The following METTL4 variants were observed in gnomAD, a reference collection of about 807,000 sequenced individuals.
METTL4 encodes N(6)-adenine-specific methyltransferase METTL4.
Under a neutral mutation model 54.0 loss-of-function variants are expected in METTL4, and 40 were observed. That is an observed-to-expected ratio of 0.74 (90% confidence interval 0.58 to 0.96). The LOEUF is 0.96. Ranked by LOEUF, METTL4 falls within the 50% of genes least tolerant of loss-of-function variation. The pLI is 0.00. For missense variants in METTL4, 525 were observed against 549.0 expected (o/e 0.96, Z 0.44); for synonymous variants, 169 against 183.8 (o/e 0.92, Z 0.65).
intron 1 of METTL4, among the ~76,000 whole-genome samples, chr18:2,570,239 G>A (rs777099536): frequency 2.6e-5 from 4 of 152,150 alleles, no homozygotes; most frequent in Non-Finnish European, 4.4e-5. Flanking sequence ...CTTTGGTTTT[G>A]GTGCTGCTGC....
At chr18:2,540,502 C>T in intron 8 of METTL4, 1 of 985,268 alleles carries the variant, frequency 1.0e-6, no homozygotes, top group Non-Finnish European at 1.2e-6. Context: ...ACTTGTTCAT[C>T]TGTCAGAAAG....
intron 2 of METTL4, 79 bp downstream of exon 2, chr18:2,566,742 C>T: frequency 1.7e-6 from 2 of 1,150,966 alleles, no homozygotes; most frequent in Non-Finnish European, 2.4e-6. Context: ...TAACGAATCA[C>T]CAGATATTTA....
At chr18:2,546,845 A>G (rs2072076692) in intron 6 of METTL4, among the ~76,000 whole-genome samples, 1 of 152,142 alleles carries the variant, frequency 6.6e-6, no homozygotes, top group African/African-American at 2.4e-5. Flanking sequence ...AAAGGCACTG[A>G]GGACCTAAGT....
intron 5 of METTL4, among the ~76,000 whole-genome samples, chr18:2,549,497 A>G (rs1309008164): frequency 2.0e-5 from 3 of 152,126 alleles, no homozygotes; most frequent in South Asian, 4.2e-4. Context: ...TCTACAACTA[A>G]GCTAAGGACT....
In METTL4 at chr18:2,554,945, C is replaced by T. The variant is rs1323643763; in HGVS notation, c.553G>A (p.Gly185Ser). 1 of 1,614,040 alleles carries T rather than the reference C, an allele frequency of 6.2e-7. No homozygotes were observed. ...LYPLFEKQDK[G>S]SKPITLPLDA... ...AGTGGTAAAGTAATGGGCTTACTAC[C>T]CTTGTCCTGTTTTTCAAAAAGTGGA... The change falls in exon 4 of 9, where the codon GGT (glycine) becomes AGT (serine). Residue 185 changes from glycine to serine, a missense_variant. Physicochemically the swap from Gly to Ser is moderately conservative, Grantham distance 56. Transcript: ENST00000574538.
chr18:2,539,270 A>C, intron 8 of METTL4, 125 bp from the exon 9 acceptor site: 1 of 783,550 alleles, frequency 1.3e-6, no homozygotes, highest in Non-Finnish European at 2.0e-6. Flanking sequence ...AATTAATTTC[A>C]AGGATTTCAT....
At chr18:2,544,860 AG>A in intron 6 of METTL4, 101 bp from the exon 7 acceptor site, 2 of 680,688 alleles carry the variant, frequency 2.9e-6, no homozygotes, top group Non-Finnish European at 2.5e-6. Flanking sequence ...AGTGATATTC[AG>A]TAAAAATACT....
chr18:2,544,846 G>A (rs955158476), intron 6 of METTL4, 87 bp from the exon 7 acceptor site: 4 of 777,448 alleles, frequency 5.1e-6, no homozygotes, highest in Non-Finnish European at 8.4e-6. Context: ...TAAACCTCCA[G>A]GCTAGTGATA....
At position 2,540,553 on chromosome 18, in the gene METTL4, G is replaced by A. The variant is rs1473694301; in HGVS notation, c.1274-1408C>T. ...GCAAAAATCAAAGAAGAATTAAAAG[G>A]TTTCACTGTCTATAATTCAAGTGAA... On this transcript the variant is annotated intron_variant, in intron 8 of 8. Transcript: ENST00000574538. The A allele has an allele frequency of 2.1e-5, 21 of 985,266 alleles. No homozygotes were observed. In the Admixed American group the frequency reaches 1.2e-3, roughly 58 times the overall value. The allele number at this position is 985,266 out of a possible 1,614,324, so 61.0% of individuals were successfully genotyped here. A position where few individuals can be genotyped will look rare whatever the true frequency, so the allele number is the denominator to read the frequency against.
At chr18:2,556,279 C>T (rs2072237287) in intron 3 of METTL4, among the ~76,000 whole-genome samples, 1 of 151,164 alleles carries the variant, frequency 6.6e-6, no homozygotes, top group African/African-American at 2.4e-5. Context: ...AGACAATTCA[C>T]AAGGGCATTG....
intron 1 of METTL4, among the ~76,000 whole-genome samples, chr18:2,570,466 TCAGAAAA>T: frequency 6.6e-6 from 1 of 152,214 alleles, no homozygotes; most frequent in Non-Finnish European, 1.5e-5. Context: ...AACTATCTAG[TCAGAAAA>T]GCAAATGATG....
chr18:2,559,270 T>C (rs549549887), intron 3 of METTL4, among the ~76,000 whole-genome samples: 2 of 152,304 alleles, frequency 1.3e-5, no homozygotes, highest in South Asian at 4.1e-4. Flanking sequence ...AAATGGAATA[T>C]TTTTCAGCCT....
At chr18:2,559,332 T>A (rs547414527) in intron 3 of METTL4, among the ~76,000 whole-genome samples, 1 of 152,126 alleles carries the variant, frequency 6.6e-6, no homozygotes, top group Non-Finnish European at 1.5e-5. Flanking sequence ...CTTGAAGACA[T>A]AGTGAAATAA....
intron 4 of METTL4, 82 bp from the exon 5 acceptor site, chr18:2,552,846 T>A: frequency 1.2e-6 from 1 of 853,108 alleles, no homozygotes. Context: ...AAAACTCAAG[T>A]GATTTCACTA....
Position 2,567,015 on chromosome 18 carries a change from A to T in METTL4, c.202T>A (p.Ser68Thr). Residue 68 changes from serine (S) to threonine (T), a missense_variant, in exon 2 of 9, where the codon TCC becomes ACC. Ser to Thr is a moderately conservative substitution (Grantham distance 58, BLOSUM62 1). Transcript: ENST00000574538. ...VCAAFIASDS[S>T]TKPENDDGGN... ...CCATCATCATTCTCTGGCTTAGTGGAAGAGTCAGAAGCAATAAATGCAGCA... is the reference window on the plus strand; with the variant it reads ...CCATCATCATTCTCTGGCTTAGTGGTAGAGTCAGAAGCAATAAATGCAGCA... The T allele has an allele frequency of 6.2e-7, 1 of 1,614,146 alleles. No homozygotes were observed. Among genetic ancestry groups the T allele is most frequent in the Non-Finnish European group, 8.5e-7 (1 of 1,179,990 alleles).
chr18:2,547,689 A>G (rs2072092698), intron 5 of METTL4, among the ~76,000 whole-genome samples, 160 bp from the exon 6 acceptor site: 1 of 152,212 alleles, frequency 6.6e-6, no homozygotes, highest in South Asian at 2.1e-4. Flanking sequence ...CAGTGGACAT[A>G]TTATTACACA....
intron 4 of METTL4, 102 bp downstream of exon 4, chr18:2,554,567 C>T (rs2072208548): frequency 4.8e-6 from 5 of 1,034,410 alleles, no homozygotes; most frequent in Middle Eastern, 3.2e-4. Flanking sequence ...TCTACCCTAT[C>T]CTCATAAATG....
In METTL4 at chr18:2,538,043, T is replaced by G. The variant is rs987704358; in HGVS notation, c.*957A>C. 4.8e-5 allele frequency: 19 copies of G among 397,828 alleles called. No individual in the cohort carries two copies. The highest frequency in any genetic ancestry group is 4.0e-4 in the Admixed American group (9 of 22,698). The allele number at this position is 397,828 out of a possible 1,614,324, so 24.6% of individuals were successfully genotyped here. On this transcript the variant is annotated 3_prime_UTR_variant, in exon 9 of 9. Transcript: ENST00000574538. ...ATTCACTGAATTTGACACTGAAAATTGGAGAATTTTGTGAAAATTATACCT... is the reference window on the plus strand; with the variant it reads ...ATTCACTGAATTTGACACTGAAAATGGGAGAATTTTGTGAAAATTATACCT...
chr18:2,571,031 A>G (rs1598361391), intron 1 of METTL4, 118 bp downstream of exon 1: 1 of 152,058 alleles, frequency 6.6e-6, no homozygotes, highest in Admixed American at 6.6e-5. Flanking sequence ...GTCAGCCACC[A>G]CCAGAGGACC....
Sources: gnomAD v4.1 joint callset for allele counts (sites outside exome capture counted in the v4.1 genomes callset) on GRCh38, gnomAD v4.1.1 for gene constraint, MANE v1.5 for transcripts, NCBI Gene and HGNC (gene_info 2026-07-23, HGNC 2026-07-21) for gene names.